Variants in GJC1 observed in about 807,000 individuals in gnomAD.
The protein encoded by GJC1 is gap junction gamma-1 protein.
GJC1 carries 5 observed loss-of-function variants against 29.3 expected under a neutral mutation model. That is an observed-to-expected ratio of 0.17 (90% CI 0.09 to 0.36). GJC1 has a LOEUF of 0.36. Among genes scored for constraint, GJC1 ranks in the 10% least tolerant of loss-of-function variants. The probability of loss-of-function intolerance (pLI) is 1.00; values close to 1 mark genes in which losing one functional copy is unlikely to be tolerated. For synonymous variants in GJC1, 177 were observed against 183.3 expected (o/e 0.97, Z 0.28); for missense variants, 310 against 496.2 (o/e 0.62, Z 3.56).
At chr17:44,811,257 T>G (rs1471042558) in intron 1 of GJC1, among the ~76,000 whole-genome samples, 1 of 151,828 alleles carries the variant, frequency 6.6e-6, no homozygotes, top group African/African-American at 2.4e-5. Flanking sequence ...AATTTTGTAT[T>G]TTTAGTAGAG....
At position 44,802,242 on chromosome 17, in the gene GJC1, TC is replaced by T. The variant is rs1206088497; in HGVS notation, c.*2384del. ...GCGCCAAATGTCTTTGCCTGGTTCTTCCTGGCATTTCTGCTTGACTCCTTCC... is the reference window on the plus strand; with the variant it reads ...GCGCCAAATGTCTTTGCCTGGTTCTTCTGGCATTTCTGCTTGACTCCTTCC... On this transcript the variant is annotated 3_prime_UTR_variant, in exon 3 of 3. Transcript: ENST00000592524. 1.3e-5 allele frequency: 2 copies of T among 152,302 alleles called. No individual in the cohort carries two copies. The highest frequency in any genetic ancestry group is 4.8e-5 in the African/African-American group (2 of 41,558). The allele number at this position is 152,302 out of a possible 1,614,324, so 9.4% of individuals were successfully genotyped here.
chr17:44,795,956 C>T (rs2049780906), downstream of GJC1, among the ~76,000 whole-genome samples: 1 of 152,174 alleles, frequency 6.6e-6, no homozygotes, highest in East Asian at 1.9e-4. Context: ...GATGGGGGAG[C>T]CAGAAGGGAG....
At chr17:44,813,016 A>G (rs1214476819) in intron 1 of GJC1, 1 of 151,926 alleles carries the variant, frequency 6.6e-6, no homozygotes, top group Admixed American at 6.6e-5. Flanking sequence ...CTTAACTCCA[A>G]CATCTCACAA....
rs760042645 is a variant in GJC1, at chr17:44,804,645, C to T, written c.1173G>A (p.Lys391=). The T allele has an allele frequency of 2.5e-6, 4 of 1,612,948 alleles. No individual in the cohort carries two copies. The highest frequency in any genetic ancestry group is 2.5e-6 in the Non-Finnish European group (3 of 1,179,304). The part of the protein sequence containing the change: ...STASSKSGDG[K]TSVWI ...GCCAGGATTAAATCCAGACGGAGGT[C>T]TTCCCATCCCCTGATTTGCTACTGG... The change falls in exon 3 of 3, where the codon AAG becomes AAA. Residue 391 remains lysine (K), a synonymous_variant. Coordinates refer to ENST00000592524, the MANE Select transcript of GJC1 (RefSeq NM_005497.4).
intron 1 of GJC1, among the ~76,000 whole-genome samples, chr17:44,828,052 T>C (rs548196671): frequency 7.9e-5 from 12 of 152,282 alleles, no homozygotes; most frequent in African/African-American, 2.6e-4. Context: ...TATTCTAAGA[T>C]CCTCATTACT....
intron 1 of GJC1, among the ~76,000 whole-genome samples, chr17:44,813,774 T>C (rs1258798638): frequency 6.6e-6 from 1 of 152,024 alleles, no homozygotes; most frequent in African/African-American, 2.4e-5. Flanking sequence ...ATTACAGGCG[T>C]GAGTCACCAC....
chr17:44,817,398 T>G lies in GJC1; in HGVS notation c.-96-9929A>C, dbSNP rs368581716. Among the ~76,000 whole-genome samples the G allele has an allele frequency of 4.0e-5, 6 of 150,960 alleles. 1 individual carries two copies. Among genetic ancestry groups the G allele is most frequent in the African/African-American group, 1.5e-4 (6 of 41,056 alleles). On this transcript the variant is annotated intron_variant, in intron 1 of 2. Transcript: ENST00000592524. ...TTCTATGTGACCCTAATCCCAGTCT[T>G]TAGGATCAGAACTGCAAAAGAAAAG...
At chr17:44,824,900 A>G (rs1390017969) in intron 1 of GJC1, among the ~76,000 whole-genome samples, 2 of 142,946 alleles carry the variant, frequency 1.4e-5, no homozygotes, top group Admixed American at 7.1e-5. Context: ...TCAAGTGCTT[A>G]TATGTTTTGG....
rs148190808 is a variant in GJC1, at chr17:44,805,109, C to T, written c.709G>A (p.Gly237Ser). The T allele has an allele frequency of 7.6e-4, 1,220 of 1,614,016 alleles. 9 individuals are homozygous for T. Among genetic ancestry groups the T allele is most frequent in the Non-Finnish European group, 3.0e-4 (350 of 1,179,954 alleles). ...AGCAAGAGGCAAAGGCCTGTAACAC[C>T]ATACATTATCAGAAGGAAGATGGTC... is the stretch of plus-strand genomic sequence containing the variant. ...EKTIFLLIMYGVTGLCLLLNI... is the reference protein window; with the variant it reads ...EKTIFLLIMYSVTGLCLLLNI... Residue 237 changes from glycine (G) to serine (S), a missense_variant, in exon 3 of 3, where the codon GGT (glycine) becomes AGT (serine). Physicochemically the swap from Gly to Ser is moderately conservative, Grantham distance 56. Coordinates refer to ENST00000592524, the MANE Select transcript of GJC1 (RefSeq NM_005497.4). This position sits in a 1 kb window ranked among gnomAD's most constrained non-coding sequence, Gnocchi z 5.1.
intron 1 of GJC1, among the ~76,000 whole-genome samples, chr17:44,826,168 C>T (rs188136805): frequency 3.3e-5 from 5 of 152,148 alleles, no homozygotes; most frequent in Admixed American, 1.3e-4. Context: ...GTGATCCACC[C>T]GCCTTGGCCT....
intron 1 of GJC1, among the ~76,000 whole-genome samples, chr17:44,824,425 A>C (rs2050146338): frequency 6.6e-6 from 1 of 152,080 alleles, no homozygotes; most frequent in Admixed American, 6.6e-5. Flanking sequence ...CATCCTCCTG[A>C]GTAGCTGAAA....
At chr17:44,823,000 AAAAT>A (rs1225528041) in intron 1 of GJC1, among the ~76,000 whole-genome samples, 2 of 152,182 alleles carry the variant, frequency 1.3e-5, no homozygotes, top group Non-Finnish European at 2.9e-5. Context: ...GGGAATTCCT[AAAAT>A]AGAGTCCAGC....
intron 1 of GJC1, among the ~76,000 whole-genome samples, chr17:44,815,294 C>T (rs2050029635): frequency 6.6e-6 from 1 of 152,172 alleles, no homozygotes; most frequent in Non-Finnish European, 1.5e-5. Context: ...ATTCTCCCAC[C>T]TCAGCCTCCT....
At chr17:44,821,781 A>C (rs188062803) in intron 1 of GJC1, among the ~76,000 whole-genome samples, 91 of 151,782 alleles carry the variant, frequency 6.0e-4, no homozygotes, top group African/African-American at 2.1e-3. Context: ...CATCTGGTAC[A>C]ACTTTTCTGG....
Position 44,800,620 on chromosome 17 carries a change from T to G in GJC1, c.*4007A>C, listed in dbSNP as rs2049832581. On this transcript the variant is annotated 3_prime_UTR_variant, in exon 3 of 3. Coordinates refer to ENST00000592524, the MANE Select transcript of GJC1 (RefSeq NM_005497.4). ...TTGTAGAAGCTGAACGAGTAAATCATGAGTGTAACTGATAACATGTAAGTC... is the reference window on the plus strand; with the variant it reads ...TTGTAGAAGCTGAACGAGTAAATCAGGAGTGTAACTGATAACATGTAAGTC... 1 of 152,186 alleles carries G rather than the reference T, an allele frequency of 6.6e-6. No homozygotes were observed. Among genetic ancestry groups the G allele is most frequent in the Non-Finnish European group, 1.5e-5 (1 of 68,044 alleles). 9.4% of individuals were successfully genotyped at this position (152,186 alleles called of 1,614,324 possible).
chr17:44,829,731 T>G (rs2050210397), intron 1 of GJC1: 1 of 151,986 alleles, frequency 6.6e-6, no homozygotes, highest in Admixed American at 6.5e-5. Context: ...GCGCCGCTTC[T>G]GTCCGGGCTC....
chr17:44,811,535 C>T (rs975765977), intron 1 of GJC1, among the ~76,000 whole-genome samples: 15 of 151,828 alleles, frequency 9.9e-5, no homozygotes, highest in African/African-American at 1.7e-4. Flanking sequence ...TACAGTTGCA[C>T]GCCACCATGC....
At chr17:44,829,232 CA>C (rs952976155) in intron 1 of GJC1, among the ~76,000 whole-genome samples, 55 of 151,446 alleles carry the variant, frequency 3.6e-4, no homozygotes, top group African/African-American at 1.3e-3. Flanking sequence ...CAGACAATCG[CA>C]AAAAAAAGAA....
chr17:44,810,142 G>C (rs749646095), intron 1 of GJC1, among the ~76,000 whole-genome samples: 2 of 151,696 alleles, frequency 1.3e-5, no homozygotes, highest in African/African-American at 4.9e-5. Context: ...GATTACAAGC[G>C]TGAGCCACCA....
Sources: gnomAD v4.1 joint callset for allele counts (sites outside exome capture counted in the v4.1 genomes callset) on GRCh38, gnomAD v4.1.1 for gene constraint, Gnocchi (gnomAD v3.1) non-coding constraint, MANE v1.5 for transcripts, NCBI Gene and HGNC (gene_info 2026-07-23, HGNC 2026-07-21) for gene names.